MTMR10: variants seen among roughly 807,000 people sequenced by gnomAD.
The protein encoded by MTMR10 is myotubularin related protein 10.
A neutral mutation model predicts 88.1 loss-of-function variants in MTMR10; 56 were observed. That is an observed-to-expected ratio of 0.64 (90% CI 0.51 to 0.79). The LOEUF is 0.79. MTMR10 is among the 30% of genes least tolerant of loss of function. The pLI is 0.00. For synonymous variants in MTMR10, 380 were observed against 340.9 expected (o/e 1.11, Z -1.26); for missense variants, 883 against 924.7 (o/e 0.95, Z 0.58).
At chr15:30,990,285 T>C (rs555097013) in intron 2 of MTMR10, among the ~76,000 whole-genome samples, 7 of 152,296 alleles carry the variant, frequency 4.6e-5, no homozygotes, top group African/African-American at 1.4e-4. Flanking sequence ...CGTCCAACTA[T>C]GAATTATCTG....
chr15:30,939,971 CATT>C lies in MTMR10; in HGVS notation c.*1496_*1498del. On this transcript the variant is annotated 3_prime_UTR_variant, in exon 16 of 16. Transcript: ENST00000435680. ...ACTCCTGTCCTGTTATATCCAGAGA[CATT>C]ATCAAATTTTAAAAGGCAAATAATT... 1.0e-6 allele frequency: 1 copy of C among 981,992 alleles called. No individual in the cohort carries two copies. Among genetic ancestry groups the C allele is most frequent in the Non-Finnish European group, 1.2e-6 (1 of 826,826 alleles). 60.8% of individuals were successfully genotyped at this position (981,992 alleles called of 1,614,324 possible).
chr15:30,971,689 T>C (rs1026540812), intron 5 of MTMR10, among the ~76,000 whole-genome samples: 1 of 152,182 alleles, frequency 6.6e-6, no homozygotes, highest in Non-Finnish European at 1.5e-5. Flanking sequence ...CACAGACAGA[T>C]ATATAGATAA....
At chr15:30,947,515 T>C (rs1305667540) in intron 13 of MTMR10, among the ~76,000 whole-genome samples, 2 of 152,220 alleles carry the variant, frequency 1.3e-5, no homozygotes, top group East Asian at 1.9e-4. Context: ...GCCCAGTACA[T>C]GTAACAAGTT....
intron 9 of MTMR10, among the ~76,000 whole-genome samples, chr15:30,958,317 G>A (rs932998931): frequency 6.6e-6 from 1 of 152,242 alleles, no homozygotes; most frequent in African/African-American, 2.4e-5. Context: ...GGAGAGTGGA[G>A]AGGAGCAGAG....
intron 5 of MTMR10, among the ~76,000 whole-genome samples, chr15:30,968,511 T>C (rs2063498065): frequency 6.9e-6 from 1 of 145,508 alleles, no homozygotes. Flanking sequence ...CATGGGTGGC[T>C]CAAAGAGGTA....
At chr15:30,985,688 G>T (rs1292151043) in intron 2 of MTMR10, among the ~76,000 whole-genome samples, 1 of 152,212 alleles carries the variant, frequency 6.6e-6, no homozygotes, top group African/African-American at 2.4e-5. Context: ...AAACATGCCT[G>T]GTAATAGCTT....
chr15:30,984,227 GACA>G (rs2030787629), intron 2 of MTMR10, among the ~76,000 whole-genome samples: 1 of 152,328 alleles, frequency 6.6e-6, no homozygotes, highest in Non-Finnish European at 1.5e-5. Flanking sequence ...GAACGGTGTT[GACA>G]ACGATAGTGA....
Position 30,941,478 on chromosome 15 carries a change from C to G in MTMR10, c.2326G>C (p.Glu776Gln), listed in dbSNP as rs1566941991. 3.1e-6 allele frequency: 5 copies of G among 1,603,884 alleles called. No individual in the cohort carries two copies. The highest frequency in any genetic ancestry group is 4.3e-6 in the Non-Finnish European group (5 of 1,174,636). ...IWLSTETLAN[E>Q]D ...TCAGAAAACACCCTATTTTAGTCTT[C>G]ATTTGCTAATGTCTCAGTAGACAAC... Residue 776 changes from glutamate to glutamine, a missense_variant, in exon 16 of 16, where the codon GAA becomes CAA. Physicochemically the swap from Glu to Gln is conservative, Grantham distance 29. Around this residue, in one of 3 missense-constraint regions of MTMR10, gnomAD observed 343 missense variants for 323.2 expected, o/e 1.06. Coordinates refer to ENST00000435680, the MANE Select transcript of MTMR10 (RefSeq NM_017762.3).
At chr15:30,955,464 G>C (rs1671629394) in intron 9 of MTMR10, among the ~76,000 whole-genome samples, 1 of 152,152 alleles carries the variant, frequency 6.6e-6, no homozygotes, top group Non-Finnish European at 1.5e-5. Context: ...TAGAGGCGGG[G>C]TTTCACCATG....
intron 11 of MTMR10, 124 bp downstream of exon 11, chr15:30,953,438 A>G (rs2063278627): frequency 1.4e-6 from 1 of 694,572 alleles, no homozygotes; most frequent in East Asian, 2.7e-5. Context: ...ACGAGATGTT[A>G]CTATTGGGGG....
chr15:30,974,230 T>C (rs567227384), intron 5 of MTMR10, 84 bp downstream of exon 5: 13 of 1,219,884 alleles, frequency 1.1e-5, no homozygotes, highest in South Asian at 6.3e-5. Flanking sequence ...ATCTGAGCAA[T>C]TGAGAAATGA....
chr15:30,959,215 C>A, intron 7 of MTMR10, 94 bp from the exon 8 acceptor site: 1 of 1,143,856 alleles, frequency 8.7e-7, no homozygotes, highest in South Asian at 1.5e-5. Flanking sequence ...AAGTTGTCCG[C>A]ATTTAATGTG....
intron 9 of MTMR10, 106 bp from the exon 10 acceptor site, chr15:30,954,999 G>T: frequency 1.0e-6 from 1 of 972,608 alleles, no homozygotes; most frequent in Non-Finnish European, 1.4e-6. Context: ...GACAGGTAAG[G>T]TCTCTGCCTT....
chr15:30,943,661 C>T (rs1364265913), intron 14 of MTMR10: 1 of 985,382 alleles, frequency 1.0e-6, no homozygotes. Flanking sequence ...CACAGGAGAC[C>T]CCTCCTTCAC....
At chr15:30,979,101 G>C (rs937663865) in intron 2 of MTMR10, among the ~76,000 whole-genome samples, 2 of 152,060 alleles carry the variant, frequency 1.3e-5, no homozygotes, top group Non-Finnish European at 2.9e-5. Context: ...TGCCAGTTCA[G>C]ATAGAGGACA....
At chr15:30,938,659 C>CT (rs2062937208), downstream of MTMR10, among the ~76,000 whole-genome samples, 1 of 152,110 alleles carries the variant, frequency 6.6e-6, no homozygotes, top group Admixed American at 6.5e-5. Flanking sequence ...CAGTCTGTCT[C>CT]TTGACTTCTT....
chr15:30,965,713 G>C (rs1189728163), intron 6 of MTMR10, among the ~76,000 whole-genome samples: 1 of 152,170 alleles, frequency 6.6e-6, no homozygotes, highest in Non-Finnish European at 1.5e-5. Context: ...GAAGTGTTGG[G>C]ATGACTGCAG....
chr15:30,980,467 C>T (rs2339046), intron 2 of MTMR10, among the ~76,000 whole-genome samples: 128,842 of 152,238 alleles, frequency 0.85, 54,582 homozygotes, highest in East Asian at 0.98. Context: ...CCTTAATAAA[C>T]ATACAAATAG....
rs2063003260 is a variant in MTMR10 at position 30,940,418 on chromosome 15, TCTC to T, written c.*1049_*1051del. 1.0e-6 allele frequency: 1 copy of T among 985,284 alleles called. No individual in the cohort carries two copies. Among genetic ancestry groups the T allele is most frequent in the Non-Finnish European group, 1.2e-6 (1 of 829,932 alleles). 61.0% of individuals were successfully genotyped at this position (985,284 alleles called of 1,614,324 possible). A position where few individuals can be genotyped will look rare whatever the true frequency, so the allele number is the denominator to read the frequency against. ...TTTTGAGAGAATCCATTTTTTTATT[TCTC>T]CTCTATTCCTAAGCATTAGGAACTA... On this transcript the variant is annotated 3_prime_UTR_variant, in exon 16 of 16. Coordinates refer to ENST00000435680, the MANE Select transcript of MTMR10 (RefSeq NM_017762.3).
Sources: allele counts gnomAD v4.1 joint callset (sites outside exome capture counted in the v4.1 genomes callset), GRCh38; gene constraint gnomAD v4.1.1; regional missense constraint gnomAD v4.1.1; transcripts MANE v1.5; gene names NCBI Gene and HGNC (gene_info 2026-07-23, HGNC 2026-07-21).